The following NNAT variants were observed in gnomAD, a reference collection of about 807,000 sequenced individuals.
NNAT encodes the protein neuronatin.
Under a neutral mutation model 12.7 loss-of-function variants are expected in NNAT, and 8 were observed. The observed-to-expected ratio is 0.63, with a 90% CI of 0.37 to 1.14. The LOEUF (loss-of-function observed/expected upper bound fraction) is 1.14. NNAT is among the 50% of genes most tolerant of loss of function. NNAT has a pLI of 0.01. For missense variants in NNAT, 94 were observed against 108.3 expected, an observed-to-expected ratio of 0.87 and a Z score of 0.59; for synonymous variants, 52 against 48.5, an observed-to-expected ratio of 1.07 and a Z score of -0.30.
rs1300995921 is a variant in NNAT, at chr20:37,522,533, G to C, written c.153+95G>C. ...CTGCCCTGACTCGTGGACAAGCTGC[G>C]CCCGCGCCCGCCTCTCCAGCCTACG... On this transcript the variant is annotated intron_variant, in intron 2 of 2. Transcript: ENST00000649451. 2 of 1,158,626 alleles carry C rather than the reference G, an allele frequency of 1.7e-6. 1 individual carries two copies. Among genetic ancestry groups the C allele is most frequent in the South Asian group, 2.9e-5 (2 of 68,496 alleles). The allele number at this position is 1,158,626 out of a possible 1,614,324, so 71.8% of individuals were successfully genotyped here.
chr20:37,522,761 G>A lies in NNAT; in HGVS notation c.*2G>A, dbSNP rs1362698290. On this transcript the variant is annotated 3_prime_UTR_variant, in exon 3 of 3. Transcript: ENST00000649451. ...CGCAGGCAGCGAGCCCCCAACTGAG[G>A]CCCCAGCTCCCAGCCCTGGGCGGCC... 6.3e-7 allele frequency: 1 copy of A among 1,596,462 alleles called. No homozygotes were observed. Among genetic ancestry groups the A allele is most frequent in the Non-Finnish European group, 8.5e-7 (1 of 1,172,268 alleles).
rs921113925 is a variant in NNAT at position 37,521,536 on chromosome 20, C to T, written c.72+133C>T. 2.2e-6 allele frequency: 2 copies of T among 920,700 alleles called. No homozygotes were observed. The highest frequency in any genetic ancestry group is 2.6e-5 in the East Asian group (1 of 38,736). The allele number at this position is 920,700 out of a possible 1,614,324, so 57.0% of individuals were successfully genotyped here. A position where few individuals can be genotyped will look rare whatever the true frequency, so the allele number is the denominator to read the frequency against. On this transcript the variant is annotated intron_variant, in intron 1 of 2. Transcript: ENST00000649451. The surrounding 1 kb of genome is among the most constrained non-coding windows in gnomAD (Gnocchi z 4.5). The stretch of plus-strand genomic sequence containing the variant: ...CCGCGATCCTTGCCTGCCCAAGTGC[C>T]GCTGCCGGCACCGCGCGCCCCCTGC...
In NNAT at chr20:37,522,997, A is replaced by G. The variant is rs1601096089; in HGVS notation, c.*238A>G. ...GGTCCCACTAAGGGGCAGGGTCGAG[A>G]GAGGAGGGGGGATAGGGGGAGCAGA... On this transcript the variant is annotated 3_prime_UTR_variant, in exon 3 of 3. Transcript: ENST00000649451. 2.1e-6 allele frequency: 1 copy of G among 471,240 alleles called. No homozygotes were observed. Among genetic ancestry groups the G allele is most frequent in the Admixed American group, 3.8e-5 (1 of 26,350 alleles). The allele number at this position is 471,240 out of a possible 1,614,324, so 29.2% of individuals were successfully genotyped here. A position where few individuals can be genotyped will look rare whatever the true frequency, so the allele number is the denominator to read the frequency against.
In NNAT at chr20:37,521,523, C is replaced by A. The variant is rs1434211773; in HGVS notation, c.72+120C>A. 10 of 1,042,886 alleles carry A rather than the reference C, an allele frequency of 9.6e-6. No individual in the cohort carries two copies. Among genetic ancestry groups the A allele is most frequent in the Non-Finnish European group, 1.5e-5 (10 of 684,194 alleles). 64.6% of individuals were successfully genotyped at this position (1,042,886 alleles called of 1,614,324 possible). Reference sequence around the variant, plus strand: ...CCTATTCCGATTGCCGCGATCCTTGCCTGCCCAAGTGCCGCTGCCGGCACC... The same window carrying A: ...CCTATTCCGATTGCCGCGATCCTTGACTGCCCAAGTGCCGCTGCCGGCACC... On this transcript the variant is annotated intron_variant, in intron 1 of 2. Coordinates refer to ENST00000649451, the MANE Select transcript of NNAT (RefSeq NM_005386.4). This position sits in a 1 kb window ranked among gnomAD's most constrained non-coding sequence, Gnocchi z 4.5.
rs539681368 is a variant in NNAT, at chr20:37,522,374, G to T, written c.89G>T (p.Cys30Phe). Reference sequence around the variant, plus strand: ...TCCTTCAAGGTGTTCCTGGAATGCTGCATTTACTGGGTAGGATTCGCTTTT... The same window carrying T: ...TCCTTCAAGGTGTTCCTGGAATGCTTCATTTACTGGGTAGGATTCGCTTTT... ...RVLLQVFLEC[C>F]IYWVGFAFRN... The change falls in exon 2 of 3, where the codon TGC (cysteine) becomes TTC (phenylalanine). Residue 30 changes from cysteine to phenylalanine, a missense_variant. By Grantham distance (205) the Cys-to-Phe change is radical. Transcript: ENST00000649451. The T allele has an allele frequency of 6.2e-7, 1 of 1,613,850 alleles. No homozygotes were observed. The highest frequency in any genetic ancestry group is 8.5e-7 in the Non-Finnish European group (1 of 1,179,888).
At position 37,522,442 on chromosome 20, in the gene NNAT, T is replaced by C; in HGVS notation, c.153+4T>C. ...ACAGCCCATTGCGAGAAGTGAGGTA[T>C]ACCTAAGTTGTGGGTCCAATCAGCT... On this transcript the variant is annotated splice_donor_region_variant and intron_variant, in intron 2 of 2. Transcript: ENST00000649451. 1 of 1,613,188 alleles carries C rather than the reference T, an allele frequency of 6.2e-7. No homozygotes were observed. Among genetic ancestry groups the C allele is most frequent in the East Asian group, 2.2e-5 (1 of 44,854 alleles).
Position 37,521,671 on chromosome 20 carries a change from C to A in NNAT, c.72+268C>A. On this transcript the variant is annotated intron_variant, in intron 1 of 2. Transcript: ENST00000649451. The surrounding 1 kb of genome is among the most constrained non-coding windows in gnomAD (Gnocchi z 4.5). ...CGACCGCTGCGGACGATCACCCAGG[C>A]ATTTAGCGACCTACGCGGTAAGAAA... 2.1e-6 allele frequency: 1 copy of A among 474,788 alleles called. No homozygotes were observed. Among genetic ancestry groups the A allele is most frequent in the South Asian group, 2.3e-5 (1 of 42,652 alleles). The allele number at this position is 474,788 out of a possible 1,614,324, so 29.4% of individuals were successfully genotyped here.
chr20:37,523,161 T>C lies in NNAT; in HGVS notation c.*402T>C. 1 of 175,026 alleles carries C rather than the reference T, an allele frequency of 5.7e-6. No individual in the cohort carries two copies. Among genetic ancestry groups the C allele is most frequent in the Non-Finnish European group, 1.2e-5 (1 of 83,114 alleles). 10.8% of individuals were successfully genotyped at this position (175,026 alleles called of 1,614,324 possible). On this transcript the variant is annotated 3_prime_UTR_variant, in exon 3 of 3. Transcript: ENST00000649451. Reference sequence around the variant, plus strand: ...ACCGCACCAGCCAGCAGAATGGACATTCTGACATCGCCAGCCGACGCCCTG... The same window carrying C: ...ACCGCACCAGCCAGCAGAATGGACACTCTGACATCGCCAGCCGACGCCCTG...
intron 2 of NNAT, 69 bp from the exon 3 acceptor site, chr20:37,522,598 G>GGGGGGGGGGGC: frequency 2.3e-6 from 2 of 864,416 alleles, no homozygotes; most frequent in Non-Finnish European, 3.4e-6. Flanking sequence ...GCGGGGGTGG[G>GGGGGGGGGGGC]CACGGCAGCA....
chr20:37,522,617 A>AAT, intron 2 of NNAT, 50 bp from the exon 3 acceptor site: 1 of 1,541,000 alleles, frequency 6.5e-7, no homozygotes, highest in Non-Finnish European at 8.8e-7. Context: ...CACCACAGAC[A>AAT]TGCTGTGGGT....
intron 2 of NNAT, 78 bp from the exon 3 acceptor site, chr20:37,522,589 C>A (rs1204748686): frequency 2.0e-4 from 136 of 663,708 alleles, no homozygotes; most frequent in Middle Eastern, 1.0e-3. Flanking sequence ...GGGGGTGGGG[C>A]GGGGGTGGGC....
Position 37,522,864 on chromosome 20 carries a change from C to T in NNAT, c.*105C>T. ...CAGGAATGTGGGGTCCCCTGTGTTC[C>T]CTCGCCAGAGGAGCACTTGGCAAGG... On this transcript the variant is annotated 3_prime_UTR_variant, in exon 3 of 3. Coordinates refer to ENST00000649451, the MANE Select transcript of NNAT (RefSeq NM_005386.4). 1 of 1,050,254 alleles carries T rather than the reference C, an allele frequency of 9.5e-7. No homozygotes were observed. Among genetic ancestry groups the T allele is most frequent in the South Asian group, 1.6e-5 (1 of 62,292 alleles). The allele number at this position is 1,050,254 out of a possible 1,614,324, so 65.1% of individuals were successfully genotyped here. A position where few individuals can be genotyped will look rare whatever the true frequency, so the allele number is the denominator to read the frequency against.
At chr20:37,522,265 C>A in intron 1 of NNAT, 93 bp from the exon 2 acceptor site, 3 of 881,372 alleles carry the variant, frequency 3.4e-6, no homozygotes, top group Non-Finnish European at 5.5e-6. Context: ...AAGCGCTTTG[C>A]CCATAAAATC....
Position 37,522,662 on chromosome 20 carries a change from C to T in NNAT, c.154-5C>T, listed in dbSNP as rs1199780230. ...TAAGGGTGGGTCCTGGGTTTCTCGT[C>T]GCAGGTGTTCAGGTACTCCCTGCAG... On this transcript the variant is annotated splice_polypyrimidine_tract_variant and splice_region_variant and intron_variant, in intron 2 of 2. Transcript: ENST00000649451. The T allele has an allele frequency of 1.9e-6, 3 of 1,609,024 alleles. No individual in the cohort carries two copies.
intron 2 of NNAT, 93 bp from the exon 3 acceptor site, chr20:37,522,574 G>C (rs2071622611): frequency 1.0e-5 from 14 of 1,392,702 alleles, no homozygotes; most frequent in Middle Eastern, 2.5e-4. Context: ...TGGGCGGGCG[G>C]GGCAGGGGGT....
intron 1 of NNAT, among the ~76,000 whole-genome samples, chr20:37,522,062 T>C (rs2071597819): frequency 1.4e-5 from 2 of 141,800 alleles, no homozygotes; most frequent in South Asian, 4.5e-4. Flanking sequence ...ACAAGGGAGC[T>C]AACGGAAAAA....
At chr20:37,522,065 C>A (rs114913940) in intron 1 of NNAT, among the ~76,000 whole-genome samples, 1 of 146,338 alleles carries the variant, frequency 6.8e-6, no homozygotes, top group African/African-American at 2.5e-5. Context: ...AGGGAGCTAA[C>A]GGAAAAAAAT....
intron 1 of NNAT, 43 bp from the exon 2 acceptor site, chr20:37,522,315 C>T (rs891050603): frequency 6.5e-7 from 1 of 1,548,938 alleles, no homozygotes; most frequent in African/African-American, 1.4e-5. Context: ...GAATTCCCTG[C>T]TAAAGGAATC....
chr20:37,522,748 GC>G lies in NNAT; in HGVS notation c.240del (p.Asn81ThrfsTer51). The G allele has an allele frequency of 6.2e-7, 1 of 1,603,618 alleles. No homozygotes were observed. The highest frequency in any genetic ancestry group is 8.5e-7 in the Non-Finnish European group (1 of 1,175,788). On this transcript the variant is annotated frameshift_variant, in exon 3 of 3. Coordinates refer to ENST00000649451, the MANE Select transcript of NNAT (RefSeq NM_005386.4). LOFTEE classifies it high-confidence loss of function. ...GGTGTTGGGGGAGCGCAGGCAGCGA[GC>G]CCCCAACTGAGGCCCCAGCTCCCAG... ...RQVLGERRQR[A>X]PN
Sources: gnomAD v4.1 joint callset for allele counts (sites outside exome capture counted in the v4.1 genomes callset) on GRCh38, gnomAD v4.1.1 for gene constraint, Gnocchi (gnomAD v3.1) non-coding constraint, MANE v1.5 for transcripts, NCBI Gene and HGNC (gene_info 2026-07-23, HGNC 2026-07-21) for gene names.